The following STXBP5 variants were observed in gnomAD, a reference collection of about 807,000 sequenced individuals.
STXBP5 encodes syntaxin-binding protein 5.
In STXBP5, 50 loss-of-function variants were observed where a neutral mutation model predicts 152.4. The ratio of observed to expected loss-of-function variants is 0.33; its 90% CI spans 0.26 to 0.42. The LOEUF (loss-of-function observed/expected upper bound fraction) is 0.42, where lower values mean the gene tolerates loss of function less well. STXBP5 is among the 10% of genes least tolerant of loss of function. The pLI, the probability that STXBP5 is intolerant of heterozygous loss-of-function variation, is 1.00. For synonymous variants in STXBP5, 492 were observed against 494.7 expected (o/e 0.99, Z 0.07); for missense variants, 1,167 against 1,388.6 (o/e 0.84, Z 2.54).
At position 147,212,986 on chromosome 6, in the gene STXBP5, ATTAACT is replaced by A. The variant is rs1262462858; in HGVS notation, c.248+6920_248+6925del. The stretch of plus-strand genomic sequence containing the variant: ...ATGTCAGGATGTAAAATTAAAATAA[ATTAACT>A]TAAACAAGAATATTGAGTTCCTAAT... On this transcript the variant is annotated intron_variant, in intron 2 of 27. Coordinates refer to ENST00000321680, the MANE Select transcript of STXBP5 (RefSeq NM_001127715.4). Among the ~76,000 whole-genome samples the A allele has an allele frequency of 5.9e-5, 9 of 152,324 alleles. No homozygotes were observed. The East Asian group carries it at 1.7e-3, about 29-fold the overall frequency.
At chr6:147,230,230 CAGT>C (rs1227467073) in intron 2 of STXBP5, among the ~76,000 whole-genome samples, 46 of 151,988 alleles carry the variant, frequency 3.0e-4, no homozygotes, top group African/African-American at 7.7e-4. Context: ...TTGGTCCTCT[CAGT>C]AGCTGTAGGC....
intron 9 of STXBP5, among the ~76,000 whole-genome samples, chr6:147,298,662 A>C (rs1268971406): frequency 6.6e-6 from 1 of 152,070 alleles, no homozygotes; most frequent in African/African-American, 2.4e-5. Context: ...TAAAACTAGA[A>C]ATGATTAACA....
Position 147,204,550 on chromosome 6 carries a change from C to A in STXBP5, c.18C>A (p.Ile6=). Residue 6 remains isoleucine (I), a synonymous_variant, in exon 1 of 28, where the codon ATC becomes ATA. Transcript: ENST00000321680. The surrounding 1 kb of genome is among the most constrained non-coding windows in gnomAD (Gnocchi z 4.3). MRKFN[I]RKVLDGLTAG... is the part of the protein sequence containing the mutation. Reference sequence around the variant, plus strand: ...CCGAGACCATGAGGAAATTCAACATCAGGAAGGTGCTGGACGGCCTGACCG... The same window carrying A: ...CCGAGACCATGAGGAAATTCAACATAAGGAAGGTGCTGGACGGCCTGACCG... 5 of 1,612,098 alleles carry A rather than the reference C, an allele frequency of 3.1e-6. No individual in the cohort carries two copies. The highest frequency in any genetic ancestry group is 4.2e-6 in the Non-Finnish European group (5 of 1,179,214).
At chr6:147,373,389 CT>C (rs1785657598) in intron 25 of STXBP5, among the ~76,000 whole-genome samples, 1 of 122,342 alleles carries the variant, frequency 8.2e-6, no homozygotes, top group African/African-American at 3.0e-5. Context: ...AAAAAAAAAA[CT>C]TCTTTCTAAT....
chr6:147,288,353 C>T (rs1283554579), intron 8 of STXBP5, among the ~76,000 whole-genome samples: 1 of 152,174 alleles, frequency 6.6e-6, no homozygotes, highest in Non-Finnish European at 1.5e-5. Context: ...TCAGTCCTCT[C>T]TGTTGGCTGA....
intron 7 of STXBP5, among the ~76,000 whole-genome samples, chr6:147,272,995 C>T (rs1230931360): frequency 1.3e-5 from 2 of 152,032 alleles, no homozygotes; most frequent in Non-Finnish European, 2.9e-5. Flanking sequence ...GATGATACTT[C>T]ATCTATATAA....
chr6:147,364,476 C>T (rs975428400), intron 25 of STXBP5, among the ~76,000 whole-genome samples: 6 of 152,158 alleles, frequency 3.9e-5, no homozygotes, highest in African/African-American at 7.2e-5. Flanking sequence ...CTATTATACA[C>T]ACACACAGTC....
intron 6 of STXBP5, among the ~76,000 whole-genome samples, chr6:147,266,666 A>T (rs930812003): frequency 6.6e-6 from 1 of 151,724 alleles, no homozygotes; most frequent in Non-Finnish European, 1.5e-5. Flanking sequence ...ATAAGTGGAG[A>T]TGTGGCCACT....
At chr6:147,286,030 T>C (rs570271843) in intron 8 of STXBP5, among the ~76,000 whole-genome samples, 1 of 152,338 alleles carries the variant, frequency 6.6e-6, no homozygotes, top group South Asian at 2.1e-4. Flanking sequence ...AATTTTTTAC[T>C]GAAAGGTCAT....
chr6:147,260,414 A>G (rs1010591936), intron 4 of STXBP5, among the ~76,000 whole-genome samples: 3 of 152,164 alleles, frequency 2.0e-5, no homozygotes, highest in Non-Finnish European at 2.9e-5. Flanking sequence ...GTGCCATGCT[A>G]TCTATTTGCT....
At position 147,386,837 on chromosome 6, in the gene STXBP5, T is replaced by C. The variant is rs1022668722; in HGVS notation, c.*2082T>C. The C allele has an allele frequency of 6.6e-6, 1 of 151,760 alleles. No homozygotes were observed. The highest frequency in any genetic ancestry group is 1.5e-5 in the Non-Finnish European group (1 of 67,752). 9.4% of individuals were successfully genotyped at this position (151,760 alleles called of 1,614,324 possible). A position where few individuals can be genotyped will look rare whatever the true frequency, so the allele number is the denominator to read the frequency against. On this transcript the variant is annotated 3_prime_UTR_variant, in exon 28 of 28. Transcript: ENST00000321680. Reference sequence around the variant, plus strand: ...GATTAATATACTGGTTGGTTCCCTATCTATGTGGAAGGTCATATTAGCTGC... The same window carrying C: ...GATTAATATACTGGTTGGTTCCCTACCTATGTGGAAGGTCATATTAGCTGC...
Position 147,213,477 on chromosome 6 carries a change from T to TGTGTGTGTGC in STXBP5, c.248+7410_248+7411insTGTGTGTGCG. On this transcript the variant is annotated intron_variant, in intron 2 of 27. Coordinates refer to ENST00000321680, the MANE Select transcript of STXBP5 (RefSeq NM_001127715.4). The stretch of plus-strand genomic sequence containing the variant: ...GTGTGTGTGTGTGTGTGTGTGTGTG[T>TGTGTGTGTGC]GCGCGCGCATATATATATTTTTTCT... Among the ~76,000 whole-genome samples, 346 of 131,266 alleles carry TGTGTGTGTGC rather than the reference T, an allele frequency of 2.6e-3. 1 individual carries two copies. The highest frequency in any genetic ancestry group is 9.1e-3 in the African/African-American group (285 of 31,322). 86.1% of individuals were successfully genotyped at this position (131,266 alleles called of 152,430 possible).
At chr6:147,367,989 C>T (rs1785372090) in intron 25 of STXBP5, among the ~76,000 whole-genome samples, 1 of 151,902 alleles carries the variant, frequency 6.6e-6, no homozygotes, top group Admixed American at 6.6e-5. Flanking sequence ...CGAAATAGTC[C>T]TGTGTCTATT....
At chr6:147,337,006 A>T (rs1289745573) in intron 19 of STXBP5, among the ~76,000 whole-genome samples, 1 of 152,034 alleles carries the variant, frequency 6.6e-6, no homozygotes, top group African/African-American at 2.4e-5. Flanking sequence ...TTTTTATGTA[A>T]ACCAGTGGTC....
At chr6:147,213,664 T>G (rs929902202) in intron 2 of STXBP5, among the ~76,000 whole-genome samples, 10 of 152,026 alleles carry the variant, frequency 6.6e-5, no homozygotes, top group Non-Finnish European at 1.2e-4. Flanking sequence ...TAATAATTAG[T>G]AATAATCAGA....
chr6:147,386,763 A>G lies in STXBP5; in HGVS notation c.*2008A>G, dbSNP rs1295077878. On this transcript the variant is annotated 3_prime_UTR_variant, in exon 28 of 28. Transcript: ENST00000321680. ...AAGGTACAGTTTTGTGAATGTCATC[A>G]ATAAAATCAACAGTTATGGATTTGA... 6.6e-6 allele frequency: 1 copy of G among 151,830 alleles called. No homozygotes were observed. The highest frequency in any genetic ancestry group is 6.6e-5 in the Admixed American group (1 of 15,198). 9.4% of individuals were successfully genotyped at this position (151,830 alleles called of 1,614,324 possible).
Position 147,371,408 on chromosome 6 carries a change from A to G in STXBP5, c.3082-2323A>G, listed in dbSNP as rs1251022170. Among the ~76,000 whole-genome samples the G allele has an allele frequency of 2.0e-5, 3 of 152,006 alleles. No individual in the cohort carries two copies. The East Asian group carries it at 5.8e-4, about 29-fold the overall frequency. Reference sequence around the variant, plus strand: ...TAACCTGTAGATAAATGACTTGTGTATTTTCTAATTGGTTTCATCTCTATG... The same window carrying G: ...TAACCTGTAGATAAATGACTTGTGTGTTTTCTAATTGGTTTCATCTCTATG... On this transcript the variant is annotated intron_variant, in intron 25 of 27. Coordinates refer to ENST00000321680, the MANE Select transcript of STXBP5 (RefSeq NM_001127715.4).
intron 8 of STXBP5, among the ~76,000 whole-genome samples, chr6:147,284,390 A>C (rs552534897): frequency 6.6e-6 from 1 of 152,224 alleles, no homozygotes; most frequent in South Asian, 2.1e-4. Flanking sequence ...TTCATTGAAT[A>C]AACATTGAGC....
At chr6:147,346,287 A>G (rs947341565) in intron 21 of STXBP5, among the ~76,000 whole-genome samples, 1 of 152,174 alleles carries the variant, frequency 6.6e-6, no homozygotes, top group African/African-American at 2.4e-5. Flanking sequence ...CTACAACCCC[A>G]TCATCACAAA....
Sources: gnomAD v4.1 joint callset for allele counts (sites outside exome capture counted in the v4.1 genomes callset) on GRCh38, gnomAD v4.1.1 for gene constraint, Gnocchi (gnomAD v3.1) non-coding constraint, MANE v1.5 for transcripts, NCBI Gene and HGNC (gene_info 2026-07-23, HGNC 2026-07-21) for gene names.